ADGRV1: variants seen among roughly 807,000 people sequenced by gnomAD.
The protein encoded by ADGRV1 is G-protein coupled receptor 98.
A neutral mutation model predicts 596.2 loss-of-function variants in ADGRV1; 359 were observed. The observed-to-expected ratio is 0.60, with a 90% CI of 0.55 to 0.66. The LOEUF (loss-of-function observed/expected upper bound fraction) is 0.66. Ranked by LOEUF, ADGRV1 falls within the 30% of genes least tolerant of loss-of-function variation. ADGRV1 has a pLI of 0.00. For missense variants in ADGRV1, 7,274 were observed against 7,575.6 expected (o/e 0.96, Z 1.48); for synonymous variants, 2,681 against 2,679.2 (o/e 1.00, Z -0.02).
At chr5:90,917,120 TC>T (rs1364184928) in intron 83 of ADGRV1, among the ~76,000 whole-genome samples, 1 of 152,176 alleles carries the variant, frequency 6.6e-6, no homozygotes, top group African/African-American at 2.4e-5. Flanking sequence ...CACATTGCTT[TC>T]ATAAGGGATG....
Position 90,646,204 on chromosome 5 carries a change from A to G in ADGRV1, c.3022+113A>G, listed in dbSNP as rs139034530. On this transcript the variant is annotated intron_variant, in intron 16 of 89. Transcript: ENST00000405460. ...TATGCACGTGCGTATATACATTTATATACATATATATTTAGCAATTTTTTT... is the reference window on the plus strand; with the variant it reads ...TATGCACGTGCGTATATACATTTATGTACATATATATTTAGCAATTTTTTT... 1,259 of 515,226 alleles carry G rather than the reference A, an allele frequency of 2.4e-3. 12 individuals are homozygous for G. Among genetic ancestry groups the G allele is most frequent in the African/African-American group, 0.021 (1,073 of 50,158 alleles). 31.9% of individuals were successfully genotyped at this position (515,226 alleles called of 1,614,324 possible). A position where few individuals can be genotyped will look rare whatever the true frequency, so the allele number is the denominator to read the frequency against.
intron 87 of ADGRV1, among the ~76,000 whole-genome samples, 161 bp downstream of exon 87, chr5:91,102,501 T>G (rs921622507): frequency 6.6e-6 from 1 of 152,222 alleles, no homozygotes; most frequent in African/African-American, 2.4e-5. Flanking sequence ...ACCTAAATCC[T>G]TAACATTTGA....
chr5:90,591,494 T>C (rs1759505163), intron 1 of ADGRV1, among the ~76,000 whole-genome samples: 1 of 152,172 alleles, frequency 6.6e-6, no homozygotes, highest in Non-Finnish European at 1.5e-5. Flanking sequence ...ACTATAATAA[T>C]GACAAAATAA....
rs1239679391 is a variant in ADGRV1 at position 90,646,038 on chromosome 5, G to A, written c.2969G>A (p.Arg990Lys). The A allele has an allele frequency of 1.2e-6, 2 of 1,605,198 alleles. No individual in the cohort carries two copies. Among genetic ancestry groups the A allele is most frequent in the Non-Finnish European group, 1.7e-6 (2 of 1,175,230 alleles). Reference protein sequence around the residue: ...NGTGGAKVGNRTTATLRIRRN... With the variant: ...NGTGGAKVGNKTTATLRIRRN... ...ACTGGAGGAGCTAAAGTGGGAAATA[G>A]AACAACTGCAACTCTGAGGATTAGA... Residue 990 changes from arginine to lysine, a missense_variant, in exon 16 of 90, where the codon AGA (arginine) becomes AAA (lysine). Physicochemically the swap from Arg to Lys is conservative, Grantham distance 26. This residue lies in a region of ADGRV1 where 1,715 missense variants were observed against 1,708.8 expected (regional missense o/e 1.00). Coordinates refer to ENST00000405460, the MANE Select transcript of ADGRV1 (RefSeq NM_032119.4).
chr5:90,821,807 T>C (rs1328858488), intron 75 of ADGRV1, among the ~76,000 whole-genome samples: 5 of 152,018 alleles, frequency 3.3e-5, no homozygotes, highest in African/African-American at 4.8e-5. Context: ...GGAGAACCAC[T>C]GCTCTCTTCA....
At chr5:90,642,045 A>G (rs553134892) in intron 11 of ADGRV1, among the ~76,000 whole-genome samples, 30 of 152,326 alleles carry the variant, frequency 2.0e-4, no homozygotes, top group Admixed American at 5.9e-4. Context: ...AAAAAAGCAC[A>G]GGTTTAAAAT....
chr5:90,851,134 T>TGTGTGTGTGTGAGAGAGAGAGA (rs757909771), intron 79 of ADGRV1, among the ~76,000 whole-genome samples: 75 of 81,490 alleles, frequency 9.2e-4, no homozygotes, highest in East Asian at 1.7e-3. Flanking sequence ...TGTGTGTGTG[T>TGTGTGTGTGTGAGAGAGAGAGA]GAGAGAGAGA....
chr5:90,601,419 A>G (rs1761396852), intron 1 of ADGRV1, among the ~76,000 whole-genome samples: 1 of 152,244 alleles, frequency 6.6e-6, no homozygotes, highest in African/African-American at 2.4e-5. Flanking sequence ...TACATGAAGC[A>G]AAACCGTATC....
chr5:90,645,295 C>T (rs562028709), intron 15 of ADGRV1, among the ~76,000 whole-genome samples: 3 of 152,148 alleles, frequency 2.0e-5, no homozygotes, highest in Non-Finnish European at 2.9e-5. Flanking sequence ...AGGAAGTGAA[C>T]CTTTCCTAGG....
At chr5:90,967,149 A>G (rs1281033800) in intron 84 of ADGRV1, among the ~76,000 whole-genome samples, 1 of 152,180 alleles carries the variant, frequency 6.6e-6, no homozygotes, top group African/African-American at 2.4e-5. Flanking sequence ...TGAACTATTT[A>G]GCTAATAGAA....
intron 59 of ADGRV1, among the ~76,000 whole-genome samples, chr5:90,770,267 CTT>C (rs1190552386): frequency 1.3e-5 from 2 of 152,054 alleles, no homozygotes; most frequent in Non-Finnish European, 2.9e-5. Context: ...TCTTGTGAGT[CTT>C]ACTCATTATC....
Position 90,672,729 on chromosome 5 carries a change from C to T in ADGRV1, c.4929+7C>T, listed in dbSNP as rs1335157666. 6.3e-7 allele frequency: 1 copy of T among 1,580,600 alleles called. No homozygotes were observed. The highest frequency in any genetic ancestry group is 1.2e-5 in the South Asian group (1 of 84,824). On this transcript the variant is annotated splice_region_variant and intron_variant, in intron 22 of 89. Coordinates refer to ENST00000405460, the MANE Select transcript of ADGRV1 (RefSeq NM_032119.4). Reference sequence around the variant, plus strand: ...TCCTTGGCAGAGATCAGAGGTAAACCCTACCTTTTTTGTTCCTTTGAAAGC... The same window carrying T: ...TCCTTGGCAGAGATCAGAGGTAAACTCTACCTTTTTTGTTCCTTTGAAAGC...
intron 86 of ADGRV1, among the ~76,000 whole-genome samples, chr5:91,101,867 C>A (rs1165052801): frequency 6.6e-6 from 1 of 152,112 alleles, no homozygotes; most frequent in Non-Finnish European, 1.5e-5. Flanking sequence ...ATGCTAATTT[C>A]GGGAGCACAC....
At chr5:90,828,642 G>C (rs1165766156) in intron 76 of ADGRV1, among the ~76,000 whole-genome samples, 1 of 151,952 alleles carries the variant, frequency 6.6e-6, no homozygotes, top group Non-Finnish European at 1.5e-5. Flanking sequence ...AGTGTTTTGT[G>C]GTATGAATAC....
At chr5:90,695,851 T>A (rs1747129580) in intron 33 of ADGRV1, among the ~76,000 whole-genome samples, 1 of 152,092 alleles carries the variant, frequency 6.6e-6, no homozygotes, top group Non-Finnish European at 1.5e-5. Context: ...TCAAAAGGAA[T>A]AATGAAAATG....
chr5:91,149,921 T>A, intron 87 of ADGRV1, 109 bp from the exon 88 acceptor site: 2 of 790,046 alleles, frequency 2.5e-6, no homozygotes, highest in Non-Finnish European at 3.8e-6. Flanking sequence ...AGCATGAGAA[T>A]GGACCAATAC....
At position 90,978,168 on chromosome 5, in the gene ADGRV1, G is replaced by T. The variant is rs188899465; in HGVS notation, c.17974-7176G>T. On this transcript the variant is annotated intron_variant, in intron 84 of 89. Coordinates refer to ENST00000405460, the MANE Select transcript of ADGRV1 (RefSeq NM_032119.4). ...AAATTAGCCAGGCATGGTGGCAGGC[G>T]CCTGTAGTCCCAGCTACTAGGGAGG... 8.3e-3 allele frequency among the ~76,000 whole-genome samples: 1,266 copies of T among 152,060 alleles called. 22 individuals are homozygous for T. Among genetic ancestry groups the T allele is most frequent in the African/African-American group, 0.029 (1,218 of 41,474 alleles).
At chr5:91,001,224 T>G (rs1225151133) in intron 85 of ADGRV1, among the ~76,000 whole-genome samples, 3 of 152,160 alleles carry the variant, frequency 2.0e-5, no homozygotes, top group East Asian at 3.9e-4. Flanking sequence ...ACTACAGGCA[T>G]GTACCACCAC....
intron 34 of ADGRV1, 117 bp from the exon 35 acceptor site, chr5:90,703,548 A>G: frequency 1.5e-6 from 1 of 663,056 alleles, no homozygotes; most frequent in Non-Finnish European, 2.5e-6. Flanking sequence ...ACAGCTTTGT[A>G]ATGTTCTTGG....
Sources: allele counts gnomAD v4.1 joint callset (sites outside exome capture counted in the v4.1 genomes callset), GRCh38; gene constraint gnomAD v4.1.1; regional missense constraint gnomAD v4.1.1; transcripts MANE v1.5; gene names NCBI Gene and HGNC (gene_info 2026-07-23, HGNC 2026-07-21).